HERC1: variants seen among roughly 807,000 people sequenced by gnomAD.
HERC1 encodes the protein HECT and RLD domain containing E3 ubiquitin protein ligase family member 1, also known as probable E3 ubiquitin-protein ligase HERC1.
In HERC1, 160 loss-of-function variants were observed where a neutral mutation model predicts 554.3. The ratio of observed to expected loss-of-function variants is 0.29; its 90% confidence interval spans 0.25 to 0.33. HERC1 has a LOEUF of 0.33. HERC1 is among the 10% of genes least tolerant of loss of function. The probability of loss-of-function intolerance (pLI) is 1.00; values close to 1 mark genes in which losing one functional copy is unlikely to be tolerated. For missense variants in HERC1, 4,919 were observed against 5,918.5 expected (o/e 0.83, Z 5.54); for synonymous variants, 2,175 against 2,131.7 (o/e 1.02, Z -0.56).
At position 63,758,208 on chromosome 15, in the gene HERC1, G is replaced by C. The variant is rs767867437; in HGVS notation, c.1188C>G (p.Pro396=). Residue 396 remains proline (P), a synonymous_variant, in exon 4 of 78, where the codon CCC becomes CCG. Transcript: ENST00000443617. This position sits in a 1 kb window ranked among gnomAD's most constrained non-coding sequence, Gnocchi z 4.0. Reference sequence around the variant, plus strand: ...CATCAGAGAAACTAGGAGCCAGTTTGGGTTGCAGTATTTTCTCCTGTGTAC... The same window carrying C: ...CATCAGAGAAACTAGGAGCCAGTTTCGGTTGCAGTATTTTCTCCTGTGTAC... ...VEGTQEKILQ[P]KLAPSFSDAQ... is the part of the protein sequence containing the mutation. 2.5e-6 allele frequency: 4 copies of C among 1,611,898 alleles called. No individual in the cohort carries two copies. The highest frequency in any genetic ancestry group is 3.3e-5 in the Admixed American group (2 of 60,002).
intron 1 of HERC1, among the ~76,000 whole-genome samples, chr15:63,781,491 T>C (rs1164890915): frequency 6.6e-6 from 1 of 152,190 alleles, no homozygotes; most frequent in Non-Finnish European, 1.5e-5. Flanking sequence ...TTGTAATTGT[T>C]TGGGGGTGCC....
In HERC1 at chr15:63,677,949, C is replaced by T. The variant is rs1196470375; in HGVS notation, c.6966G>A (p.Arg2322=). ...GGCGCCCAGTTTGCTTGTGAACACACCGACCTCCAACTCTAAGACCAGCAT... is the reference window on the plus strand; with the variant it reads ...GGCGCCCAGTTTGCTTGTGAACACATCGACCTCCAACTCTAAGACCAGCAT... ...GVDAGLRVGG[R]CVHKQTGRHA... Residue 2322 remains arginine, a synonymous_variant, in exon 37 of 78, where the codon CGG becomes CGA. Transcript: ENST00000443617. The surrounding 1 kb of genome is among the most constrained non-coding windows in gnomAD (Gnocchi z 4.4). The T allele has an allele frequency of 1.2e-6, 2 of 1,613,906 alleles. No homozygotes were observed. The highest frequency in any genetic ancestry group is 2.2e-5 in the East Asian group (1 of 44,898).
In HERC1 at chr15:63,733,859, A is replaced by AT. The variant is rs2074395225; in HGVS notation, c.2647-715_2647-714insA. 2.6e-5 allele frequency among the ~76,000 whole-genome samples: 4 copies of AT among 151,786 alleles called. No individual in the cohort carries two copies. In the South Asian group the frequency reaches 8.3e-4, roughly 32 times the overall value. On this transcript the variant is annotated intron_variant, in intron 13 of 77. Transcript: ENST00000443617. ...AGAGCAAAACCCTGTCTCAAAAAGA[A>AT]AAATAAAAAAATCACCTATGGACCA... is the stretch of plus-strand genomic sequence containing the variant.
chr15:63,665,962 G>A lies in HERC1; in HGVS notation c.8512C>T (p.Pro2838Ser), dbSNP rs930587237. The change falls in exon 42 of 78, where the codon CCA becomes TCA. Residue 2838 changes from proline to serine, a missense_variant. Physicochemically the swap from Pro to Ser is moderately conservative, Grantham distance 74 (BLOSUM62 -1). This residue lies in a region of HERC1 where 1,963 missense variants were observed against 2,228.6 expected (regional missense o/e 0.88). Coordinates refer to ENST00000443617, the MANE Select transcript of HERC1 (RefSeq NM_003922.4). Reference protein sequence around the residue: ...PCYLQSPGDIPSADAAEMEEG... With the variant: ...PCYLQSPGDISSADAAEMEEG... ...TCCATTTCAGCAGCATCAGCTGATG[G>A]TATGTCTCCAGGTGACTGCAAATAA... is the stretch of plus-strand genomic sequence containing the variant. 1 of 1,613,892 alleles carries A rather than the reference G, an allele frequency of 6.2e-7. No homozygotes were observed. The highest frequency in any genetic ancestry group is 8.5e-7 in the Non-Finnish European group (1 of 1,179,804).
chr15:63,684,927 T>C (rs978476418), intron 34 of HERC1, among the ~76,000 whole-genome samples: 1 of 152,220 alleles, frequency 6.6e-6, no homozygotes, highest in Non-Finnish European at 1.5e-5. Context: ...GAGAATCGCT[T>C]GAACCCAGGA....
chr15:63,658,688 GA>G lies in HERC1; in HGVS notation c.9454del (p.Ser3152LeufsTer4). On this transcript the variant is annotated frameshift_variant, in exon 48 of 78. Coordinates refer to ENST00000443617, the MANE Select transcript of HERC1 (RefSeq NM_003922.4). LOFTEE classifies it high-confidence loss of function. ...CTGCTCTCCTAACGTTATTCTCCCAGAGGAGCTCTTTTCTACGGAGCCATGG... is the reference window on the plus strand; with the variant it reads ...CTGCTCTCCTAACGTTATTCTCCCAGGGAGCTCTTTTCTACGGAGCCATGG... ...GCHGSVEKSS[S>X]GRITLGEQAA... The G allele has an allele frequency of 6.2e-7, 1 of 1,613,326 alleles. No individual in the cohort carries two copies.
intron 57 of HERC1, 104 bp from the exon 58 acceptor site, chr15:63,643,654 C>T: frequency 1.2e-6 from 1 of 828,534 alleles, no homozygotes; most frequent in East Asian, 2.8e-5. Flanking sequence ...ATAAAATTGG[C>T]AAGGGGGAGA....
chr15:63,687,961 A>C (rs7166206), intron 33 of HERC1, among the ~76,000 whole-genome samples: 2 of 152,132 alleles, frequency 1.3e-5, no homozygotes, highest in African/African-American at 4.8e-5. Flanking sequence ...GCAAAAGGGA[A>C]AGGTCAAGGA....
At chr15:63,811,804 G>A (rs1425596019) in intron 1 of HERC1, among the ~76,000 whole-genome samples, 19 of 106,976 alleles carry the variant, frequency 1.8e-4, no homozygotes, top group African/African-American at 5.0e-4. Context: ...GTGAGACTCC[G>A]TCTCCAAAAA....
At chr15:63,832,886 G>A (rs1043499470) in intron 1 of HERC1, among the ~76,000 whole-genome samples, 1 of 152,206 alleles carries the variant, frequency 6.6e-6, no homozygotes. Flanking sequence ...TGCCACCTCT[G>A]GAGATGGAAT....
intron 1 of HERC1, among the ~76,000 whole-genome samples, chr15:63,796,283 T>A (rs1366471764): frequency 6.6e-6 from 1 of 152,254 alleles, no homozygotes; most frequent in Non-Finnish European, 1.5e-5. Flanking sequence ...CAGTTACATC[T>A]TCTGCAACTT....
intron 57 of HERC1, among the ~76,000 whole-genome samples, chr15:63,644,107 T>G (rs1349118472): frequency 2.0e-5 from 3 of 152,214 alleles, no homozygotes; most frequent in African/African-American, 7.2e-5. Flanking sequence ...TGCTGTGATA[T>G]TCTCCTATTA....
At position 63,764,109 on chromosome 15, in the gene HERC1, C is replaced by T. The variant is rs1567101048; in HGVS notation, c.1013G>A (p.Cys338Tyr). 1 of 1,607,576 alleles carries T rather than the reference C, an allele frequency of 6.2e-7. No homozygotes were observed. Among genetic ancestry groups the T allele is most frequent in the East Asian group, 2.2e-5 (1 of 44,794 alleles). The change falls in exon 3 of 78, where the codon TGT becomes TAT. Residue 338 changes from cysteine to tyrosine, a missense_variant. Cys to Tyr is a radical substitution (Grantham distance 194). Coordinates refer to ENST00000443617, the MANE Select transcript of HERC1 (RefSeq NM_003922.4). ...GLCSLYEAALCLFEEVCRMAS... is the reference protein window; with the variant it reads ...GLCSLYEAALYLFEEVCRMAS... ...ATTATTACGTACCTCTTCAAAGAGA[C>T]ATAATGCTGCCTCGTAAAGGGAGCA... is the stretch of plus-strand genomic sequence containing the variant.
chr15:63,767,496 T>TA (rs936527391), intron 2 of HERC1, among the ~76,000 whole-genome samples: 6 of 151,998 alleles, frequency 3.9e-5, no homozygotes, highest in Admixed American at 1.3e-4. Flanking sequence ...GGTCAGGAGT[T>TA]AGAGACCAGC....
chr15:63,808,136 A>AT (rs998332399), intron 1 of HERC1, among the ~76,000 whole-genome samples: 6 of 151,716 alleles, frequency 4.0e-5, no homozygotes, highest in Non-Finnish European at 7.4e-5. Context: ...AAAAAAAAAA[A>AT]ATACATCACT....
chr15:63,827,037 G>A (rs1037511748), intron 1 of HERC1, among the ~76,000 whole-genome samples: 11 of 151,548 alleles, frequency 7.3e-5, no homozygotes, highest in Non-Finnish European at 1.0e-4. Flanking sequence ...AATACTACGC[G>A]CAAGGCTATT....
rs908041772 is a variant in HERC1, at chr15:63,609,007, T to C, written c.*74A>G. Reference sequence around the variant, plus strand: ...TCTTATAACATCTATGTAGTTACCATAAAAGTATATCAACATCAAATCAGA... The same window carrying C: ...TCTTATAACATCTATGTAGTTACCACAAAAGTATATCAACATCAAATCAGA... On this transcript the variant is annotated 3_prime_UTR_variant, in exon 78 of 78. Transcript: ENST00000443617. 2 of 1,354,846 alleles carry C rather than the reference T, an allele frequency of 1.5e-6. No individual in the cohort carries two copies. Among genetic ancestry groups the C allele is most frequent in the African/African-American group, 2.9e-5 (2 of 69,554 alleles). The allele number at this position is 1,354,846 out of a possible 1,614,324, so 83.9% of individuals were successfully genotyped here. A position where few individuals can be genotyped will look rare whatever the true frequency, so the allele number is the denominator to read the frequency against.
At chr15:63,640,056 A>G in intron 61 of HERC1, 96 bp downstream of exon 61, 3 of 1,185,724 alleles carry the variant, frequency 2.5e-6, no homozygotes, top group Non-Finnish European at 3.6e-6. Context: ...CCTTCTAGCC[A>G]TGCATACCAG....
At chr15:63,737,830 A>G (rs7171693) in intron 12 of HERC1, among the ~76,000 whole-genome samples, 123,277 of 151,842 alleles carry the variant, frequency 0.81, 51,913 homozygotes, top group Non-Finnish European at 0.87. Flanking sequence ...AATTTGAAGC[A>G]CACTGATTTT....
Sources: allele counts gnomAD v4.1 joint callset (sites outside exome capture counted in the v4.1 genomes callset), GRCh38; gene constraint gnomAD v4.1.1; regional missense constraint gnomAD v4.1.1; non-coding constraint Gnocchi (gnomAD v3.1); transcripts MANE v1.5; gene names NCBI Gene and HGNC (gene_info 2026-07-23, HGNC 2026-07-21).